Variants in KCNJ3 observed in about 807,000 individuals in gnomAD.
The protein encoded by KCNJ3 is G protein-activated inward rectifier potassium channel 1.
In KCNJ3, 4 loss-of-function variants were observed where a neutral mutation model predicts 39.2. The observed-to-expected ratio is 0.10, with a 90% confidence interval of 0.05 to 0.23. The LOEUF (loss-of-function observed/expected upper bound fraction) is 0.23. Among genes scored for constraint, KCNJ3 ranks in the 10% least tolerant of loss-of-function variants. The probability of loss-of-function intolerance (pLI) is 1.00; values close to 1 mark genes in which losing one functional copy is unlikely to be tolerated. For missense variants in KCNJ3, 276 were observed against 634.9 expected (o/e 0.43, Z 6.08); for synonymous variants, 230 against 237.4 (o/e 0.97, Z 0.29).
At chr2:154,711,816 T>C (rs923960560) in intron 2 of KCNJ3, among the ~76,000 whole-genome samples, 1 of 152,142 alleles carries the variant, frequency 6.6e-6, no homozygotes, top group African/African-American at 2.4e-5. Context: ...CTACATGAGA[T>C]TGTAAAGAGT....
chr2:154,751,451 T>G (rs1250824334), intron 2 of KCNJ3, among the ~76,000 whole-genome samples: 1 of 152,054 alleles, frequency 6.6e-6, no homozygotes, highest in South Asian at 2.1e-4. Context: ...AGCTTTATTA[T>G]TAATATCTAG....
intron 2 of KCNJ3, among the ~76,000 whole-genome samples, chr2:154,796,582 T>C (rs1323755655): frequency 1.3e-5 from 2 of 152,138 alleles, no homozygotes; most frequent in Non-Finnish European, 2.9e-5. Context: ...GAAGGCAGTG[T>C]AGAAGTCTAT....
chr2:154,833,161 C>T (rs537377090), intron 2 of KCNJ3, among the ~76,000 whole-genome samples: 1 of 152,240 alleles, frequency 6.6e-6, no homozygotes, highest in East Asian at 1.9e-4. Context: ...TCATTATATG[C>T]ATCACGGTAT....
intron 2 of KCNJ3, among the ~76,000 whole-genome samples, chr2:154,776,744 A>T (rs1282150356): frequency 6.6e-6 from 1 of 152,170 alleles, no homozygotes; most frequent in African/African-American, 2.4e-5. Flanking sequence ...GTTGAAAAAA[A>T]TACCATAGTT....
intron 2 of KCNJ3, among the ~76,000 whole-genome samples, chr2:154,722,403 G>A (rs968681164): frequency 6.6e-6 from 1 of 152,168 alleles, no homozygotes; most frequent in Non-Finnish European, 1.5e-5. Context: ...TGGGAAGAAT[G>A]AGTGAGACTT....
At chr2:154,831,177 T>G (rs1400567801) in intron 2 of KCNJ3, among the ~76,000 whole-genome samples, 1 of 152,128 alleles carries the variant, frequency 6.6e-6, no homozygotes, top group African/African-American at 2.4e-5. Flanking sequence ...TAAGACTGTG[T>G]CACAGCCTTT....
chr2:154,756,970 A>T (rs1226083512), intron 2 of KCNJ3, among the ~76,000 whole-genome samples: 1 of 152,100 alleles, frequency 6.6e-6, no homozygotes, highest in Non-Finnish European at 1.5e-5. Flanking sequence ...AATTGAACTC[A>T]TCTGTAAATT....
intron 2 of KCNJ3, among the ~76,000 whole-genome samples, chr2:154,735,275 T>TG (rs1685510612): frequency 2.3e-5 from 1 of 43,444 alleles, no homozygotes; most frequent in African/African-American, 8.5e-5. Flanking sequence ...TCTTTCTTTC[T>TG]TTTTTTTTTT....
At chr2:154,738,077 T>C (rs1685578321) in intron 2 of KCNJ3, among the ~76,000 whole-genome samples, 1 of 152,096 alleles carries the variant, frequency 6.6e-6, no homozygotes, top group Admixed American at 6.6e-5. Context: ...ATCTTAGCCA[T>C]TATAAACAGT....
At chr2:154,708,051 T>G (rs943197194) in intron 1 of KCNJ3, among the ~76,000 whole-genome samples, 2 of 152,180 alleles carry the variant, frequency 1.3e-5, no homozygotes, top group African/African-American at 4.8e-5. Context: ...GCTGTTTTAA[T>G]TTTTGCACCA....
chr2:154,799,119 A>G (rs955628199), intron 2 of KCNJ3, among the ~76,000 whole-genome samples: 2 of 152,102 alleles, frequency 1.3e-5, no homozygotes, highest in South Asian at 2.1e-4. Flanking sequence ...GAAAAGAAAC[A>G]GTAAGTTTTT....
chr2:154,849,257 A>T (rs764959139), intron 2 of KCNJ3, among the ~76,000 whole-genome samples: 35 of 152,194 alleles, frequency 2.3e-4, no homozygotes, highest in Non-Finnish European at 4.6e-4. Flanking sequence ...GATACTTGAC[A>T]TATAATCCTA....
At chr2:154,734,946 AG>A (rs1685501784) in intron 2 of KCNJ3, among the ~76,000 whole-genome samples, 1 of 152,208 alleles carries the variant, frequency 6.6e-6, no homozygotes, top group Non-Finnish European at 1.5e-5. Context: ...AGAAAAAGGG[AG>A]ACATTTTTTC....
At chr2:154,742,126 A>G (rs1331158644) in intron 2 of KCNJ3, among the ~76,000 whole-genome samples, 1 of 151,910 alleles carries the variant, frequency 6.6e-6, no homozygotes, top group Non-Finnish European at 1.5e-5. Context: ...TCTAAGTGGA[A>G]TCATATAATA....
chr2:154,852,237 G>A (rs1687768332), intron 2 of KCNJ3, among the ~76,000 whole-genome samples: 2 of 152,006 alleles, frequency 1.3e-5, no homozygotes, highest in African/African-American at 4.8e-5. Flanking sequence ...TTCAAGATGA[G>A]TCTGAGTAAC....
At chr2:154,792,689 C>A (rs1302038569) in intron 2 of KCNJ3, among the ~76,000 whole-genome samples, 2 of 152,078 alleles carry the variant, frequency 1.3e-5, no homozygotes, top group Non-Finnish European at 2.9e-5. Flanking sequence ...CATCACCAAG[C>A]CCAAAGGCAG....
chr2:154,816,209 A>T (rs1247834873), intron 2 of KCNJ3, among the ~76,000 whole-genome samples: 1 of 152,212 alleles, frequency 6.6e-6, no homozygotes, highest in Non-Finnish European at 1.5e-5. Flanking sequence ...AATTTTATAA[A>T]AGTAGCTGCA....
chr2:154,815,431 G>T (rs539092801), intron 2 of KCNJ3, among the ~76,000 whole-genome samples: 14 of 151,842 alleles, frequency 9.2e-5, no homozygotes, highest in African/African-American at 3.1e-4. Flanking sequence ...TTTTCCTTTT[G>T]AATCTGCATT....
chr2:154,852,582 C>G (rs539038838), intron 2 of KCNJ3, among the ~76,000 whole-genome samples: 3 of 152,170 alleles, frequency 2.0e-5, no homozygotes, highest in African/African-American at 7.2e-5. Flanking sequence ...TATTTCTTAT[C>G]TTAACAATGA....
Sources: allele counts gnomAD v4.1 joint callset (sites outside exome capture counted in the v4.1 genomes callset), GRCh38; gene constraint gnomAD v4.1.1; transcripts MANE v1.5; gene names NCBI Gene and HGNC (gene_info 2026-07-23, HGNC 2026-07-21).